The following GSK3B variants were observed in gnomAD, a reference collection of about 807,000 sequenced individuals.
GSK3B encodes glycogen synthase kinase 3 beta, also known as glycogen synthase kinase-3 beta.
In GSK3B, 15 loss-of-function variants were observed where a neutral mutation model predicts 56.4. The observed-to-expected ratio is 0.27, with a 90% confidence interval of 0.18 to 0.41. The LOEUF is 0.41. Among genes scored for constraint, GSK3B ranks in the 10% least tolerant of loss-of-function variants. GSK3B has a pLI of 1.00. For synonymous variants in GSK3B, 181 were observed against 188.9 expected (o/e 0.96, Z 0.34); for missense variants, 300 against 513.4 (o/e 0.58, Z 4.02).
chr3:119,851,114 G>A (rs1390852917), intron 9 of GSK3B, among the ~76,000 whole-genome samples: 1 of 152,148 alleles, frequency 6.6e-6, no homozygotes, highest in East Asian at 1.9e-4. Context: ...TTTTGATGGT[G>A]CATCAATAAT....
At chr3:119,860,543 C>T (rs1459416489) in intron 9 of GSK3B, among the ~76,000 whole-genome samples, 1 of 152,164 alleles carries the variant, frequency 6.6e-6, no homozygotes, top group Non-Finnish European at 1.5e-5. Flanking sequence ...ACTGTGATTA[C>T]ATGAAAGTAA....
intron 1 of GSK3B, among the ~76,000 whole-genome samples, chr3:120,088,043 C>T (rs1265949985): frequency 1.3e-5 from 2 of 152,146 alleles, no homozygotes; most frequent in East Asian, 3.8e-4. Context: ...CAGACGCACA[C>T]CACCACGCCC....
chr3:120,025,725 G>GA (rs963068982), intron 1 of GSK3B, among the ~76,000 whole-genome samples: 10 of 152,098 alleles, frequency 6.6e-5, no homozygotes, highest in African/African-American at 1.4e-4. Context: ...CATCCAAACA[G>GA]AAAAAAATTA....
At chr3:119,840,857 G>A (rs1433685126) in intron 10 of GSK3B, among the ~76,000 whole-genome samples, 1 of 152,182 alleles carries the variant, frequency 6.6e-6, no homozygotes, top group East Asian at 1.9e-4. Flanking sequence ...TACCAAATCT[G>A]AGGCCCTAAA....
chr3:119,926,243 T>A (rs2056887460), intron 3 of GSK3B, among the ~76,000 whole-genome samples: 1 of 152,026 alleles, frequency 6.6e-6, no homozygotes, highest in East Asian at 1.9e-4. Flanking sequence ...CACACTAGTA[T>A]ATCCAACTGT....
chr3:119,881,213 CACA>C (rs2056374881), intron 7 of GSK3B, among the ~76,000 whole-genome samples: 1 of 152,072 alleles, frequency 6.6e-6, no homozygotes, highest in African/African-American at 2.4e-5. Flanking sequence ...AATGAATGCA[CACA>C]ACATGACTGC....
chr3:119,930,586 G>C (rs942335664), intron 3 of GSK3B, among the ~76,000 whole-genome samples: 1 of 152,134 alleles, frequency 6.6e-6, no homozygotes, highest in African/African-American at 2.4e-5. Flanking sequence ...GACCAAACCT[G>C]CAATATGAAA....
intron 3 of GSK3B, among the ~76,000 whole-genome samples, chr3:119,925,256 G>A (rs2056879565): frequency 6.6e-6 from 1 of 152,180 alleles, no homozygotes; most frequent in South Asian, 2.1e-4. Flanking sequence ...TTCAGCCTGG[G>A]AGGCAAAGGT....
At chr3:119,912,033 G>A (rs2056739420) in intron 6 of GSK3B, among the ~76,000 whole-genome samples, 1 of 152,076 alleles carries the variant, frequency 6.6e-6, no homozygotes. Flanking sequence ...TAACTGTGTG[G>A]CACAATTTCG....
At chr3:119,851,048 G>C (rs2055923444) in intron 9 of GSK3B, among the ~76,000 whole-genome samples, 2 of 152,138 alleles carry the variant, frequency 1.3e-5, no homozygotes, top group Non-Finnish European at 2.9e-5. Context: ...AACTGAAGAA[G>C]TCATGAAAAC....
chr3:119,852,903 C>G (rs1323286125), intron 9 of GSK3B, among the ~76,000 whole-genome samples: 3 of 152,082 alleles, frequency 2.0e-5, no homozygotes, highest in Non-Finnish European at 2.9e-5. Context: ...AGCTTCTTTT[C>G]CTGTGCAGAA....
At chr3:119,902,639 T>C (rs2056635906) in intron 7 of GSK3B, among the ~76,000 whole-genome samples, 1 of 152,140 alleles carries the variant, frequency 6.6e-6, no homozygotes, top group Admixed American at 6.6e-5. Context: ...TCAAGTGATC[T>C]GCGCACCTCG....
intron 2 of GSK3B, among the ~76,000 whole-genome samples, chr3:119,968,029 G>C (rs1014376047): frequency 6.6e-6 from 1 of 151,956 alleles, no homozygotes; most frequent in Non-Finnish European, 1.5e-5. Context: ...CTAATTTTTT[G>C]TATTTTTAGT....
At chr3:120,084,764 C>T (rs950737730) in intron 1 of GSK3B, 11 of 152,306 alleles carry the variant, frequency 7.2e-5, no homozygotes, top group African/African-American at 2.6e-4. Context: ...AGACTATTAA[C>T]ATTTTACCTC....
At chr3:119,914,572 T>C (rs1479509444) in intron 5 of GSK3B, among the ~76,000 whole-genome samples, 2 of 152,094 alleles carry the variant, frequency 1.3e-5, no homozygotes, top group South Asian at 4.1e-4. Flanking sequence ...AGACAAGTAG[T>C]AGTGCTTTGT....
intron 2 of GSK3B, among the ~76,000 whole-genome samples, chr3:119,983,386 C>A (rs1017304929): frequency 2.0e-5 from 3 of 152,006 alleles, no homozygotes; most frequent in African/African-American, 7.2e-5. Context: ...AGGCTAAATG[C>A]CCCAATTAAA....
chr3:120,089,293 C>T (rs549486914), intron 1 of GSK3B, among the ~76,000 whole-genome samples: 78 of 152,290 alleles, frequency 5.1e-4, no homozygotes, highest in Non-Finnish European at 8.4e-4. Context: ...AGAAAGCATG[C>T]AATTCTTAAA....
chr3:119,930,080 TAC>T (rs71619762), intron 3 of GSK3B, among the ~76,000 whole-genome samples: 21,026 of 133,374 alleles, frequency 0.16, 1,792 homozygotes, highest in Middle Eastern at 0.24. Flanking sequence ...TTCTGTCTCC[TAC>T]ACACACACAC....
chr3:119,924,587 C>A (rs1011235804), intron 3 of GSK3B, among the ~76,000 whole-genome samples: 1 of 152,152 alleles, frequency 6.6e-6, no homozygotes, highest in East Asian at 1.9e-4. Context: ...AAGAGTAGAG[C>A]AGAGATTAGG....
Sources: gnomAD v4.1 joint callset for allele counts (sites outside exome capture counted in the v4.1 genomes callset) on GRCh38, gnomAD v4.1.1 for gene constraint, MANE v1.5 for transcripts, NCBI Gene and HGNC (gene_info 2026-07-23, HGNC 2026-07-21) for gene names.